Variants in CSMD3 observed in about 807,000 individuals in gnomAD.
The protein encoded by CSMD3 is CUB and sushi domain-containing protein 3.
In CSMD3, 177 loss-of-function variants were observed where a neutral mutation model predicts 435.2. The observed-to-expected ratio is 0.41, with a 90% CI of 0.36 to 0.46. CSMD3 has a LOEUF of 0.46. Ranked by LOEUF, CSMD3 falls within the 20% of genes least tolerant of loss-of-function variation. The pLI is 0.34. For synonymous variants in CSMD3, 1,656 were observed against 1,520.5 expected (o/e 1.09, Z -2.07); for missense variants, 4,265 against 4,504.6 (o/e 0.95, Z 1.52).
intron 1 of CSMD3, among the ~76,000 whole-genome samples, chr8:113,412,366 G>A (rs974387736): frequency 8.5e-5 from 13 of 152,052 alleles, no homozygotes; most frequent in Non-Finnish European, 1.2e-4. Flanking sequence ...TACTTGAACT[G>A]GGTGGACTTG....
intron 59 of CSMD3, among the ~76,000 whole-genome samples, chr8:112,278,897 C>A (rs1434328924): frequency 6.6e-6 from 1 of 151,840 alleles, no homozygotes; most frequent in African/African-American, 2.4e-5. Flanking sequence ...TGTGGGAGAC[C>A]CCCAACATTT....
At chr8:113,115,743 C>T (rs1156268014) in intron 4 of CSMD3, among the ~76,000 whole-genome samples, 1 of 152,128 alleles carries the variant, frequency 6.6e-6, no homozygotes, top group Non-Finnish European at 1.5e-5. Flanking sequence ...ATGTCTTTTG[C>T]TACAGATGTG....
chr8:112,812,528 C>T (rs1464991356), intron 12 of CSMD3, among the ~76,000 whole-genome samples: 3 of 152,142 alleles, frequency 2.0e-5, no homozygotes, highest in African/African-American at 7.2e-5. Flanking sequence ...ACTTCACTTC[C>T]TTTCATTCCT....
rs375522344 is a variant in CSMD3, at chr8:112,755,224, G to T, written c.1972+44938C>A. Among the ~76,000 whole-genome samples, 4 of 151,960 alleles carry T rather than the reference G, an allele frequency of 2.6e-5. No homozygotes were observed. The South Asian group carries it at 8.3e-4, about 32-fold the overall frequency. On this transcript the variant is annotated intron_variant, in intron 13 of 70. Coordinates refer to ENST00000297405, the MANE Select transcript of CSMD3 (RefSeq NM_198123.2). ...CGGGCACCTGCAGTCCCAGCTACTC[G>T]GGAGGCTGAGGCAGGAGAATGGCGT...
intron 56 of CSMD3, 112 bp downstream of exon 56, chr8:112,291,398 A>C (rs1819748638): frequency 1.1e-5 from 9 of 792,800 alleles, no homozygotes; most frequent in Non-Finnish European, 4.2e-6. Flanking sequence ...AAAACAATAA[A>C]ATCAATATGC....
At chr8:112,979,377 CATTTT>C in intron 6 of CSMD3, among the ~76,000 whole-genome samples, 1 of 151,440 alleles carries the variant, frequency 6.6e-6, no homozygotes, top group Middle Eastern at 3.5e-3. Flanking sequence ...TTGCATTTAC[CATTTT>C]ATTTTAATAT....
chr8:112,747,123 A>G (rs1209709346), intron 13 of CSMD3, among the ~76,000 whole-genome samples: 3 of 135,284 alleles, frequency 2.2e-5, no homozygotes, highest in Non-Finnish European at 4.6e-5. Context: ...TATTCCCATA[A>G]TGTTCTCTCA....
chr8:112,584,905 C>G (rs1830603183), intron 23 of CSMD3, among the ~76,000 whole-genome samples: 1 of 151,674 alleles, frequency 6.6e-6, no homozygotes, highest in African/African-American at 2.4e-5. Context: ...AGGCAAATAA[C>G]TTTCCACCCT....
intron 5 of CSMD3, among the ~76,000 whole-genome samples, chr8:113,044,379 G>A (rs1487051030): frequency 6.7e-6 from 1 of 148,996 alleles, no homozygotes; most frequent in Non-Finnish European, 1.5e-5. Context: ...ATAATAGGTA[G>A]TAGTCATTCA....
chr8:112,693,780 G>A (rs1245591357), intron 13 of CSMD3, among the ~76,000 whole-genome samples: 1 of 151,562 alleles, frequency 6.6e-6, no homozygotes, highest in Non-Finnish European at 1.5e-5. Context: ...CATATTGAAT[G>A]TTGAAAATTA....
chr8:113,300,481 T>C (rs1045338503), intron 2 of CSMD3, among the ~76,000 whole-genome samples: 2 of 152,178 alleles, frequency 1.3e-5, no homozygotes, highest in African/African-American at 2.4e-5. Flanking sequence ...TTGTGATACA[T>C]ATCCACCCTG....
At chr8:113,349,374 T>G (rs1489109032) in intron 1 of CSMD3, among the ~76,000 whole-genome samples, 1 of 152,168 alleles carries the variant, frequency 6.6e-6, no homozygotes, top group Admixed American at 6.6e-5. Flanking sequence ...TGAAATTTTA[T>G]CATCACTATT....
At chr8:113,119,749 T>C (rs1436555504) in intron 4 of CSMD3, among the ~76,000 whole-genome samples, 1 of 152,070 alleles carries the variant, frequency 6.6e-6, no homozygotes, top group African/African-American at 2.4e-5. Context: ...TAGGAAAAAA[T>C]AGTTAAATAC....
intron 13 of CSMD3, among the ~76,000 whole-genome samples, chr8:112,700,698 G>C (rs905416697): frequency 1.3e-5 from 2 of 152,022 alleles, no homozygotes; most frequent in Non-Finnish European, 2.9e-5. Flanking sequence ...GAACAACCAT[G>C]GTAACAGTTG....
chr8:112,304,611 T>C (rs537957946), intron 52 of CSMD3, 110 bp downstream of exon 52: 14 of 822,146 alleles, frequency 1.7e-5, no homozygotes, highest in Non-Finnish European at 2.3e-5. Flanking sequence ...ATGACCATAT[T>C]AGTAATGTCA....
At chr8:112,292,832 A>C in intron 54 of CSMD3, 122 bp from the exon 55 acceptor site, 1 of 827,856 alleles carries the variant, frequency 1.2e-6, no homozygotes, top group Admixed American at 2.0e-5. Context: ...ACTACTTTTT[A>C]TCTGGAAATA....
At position 112,301,565 on chromosome 8, in the gene CSMD3, C is replaced by G. The variant is rs535974760; in HGVS notation, c.8440+228G>C. 5.3e-5 allele frequency among the ~76,000 whole-genome samples: 8 copies of G among 152,138 alleles called. No individual in the cohort carries two copies. In the South Asian group the frequency reaches 1.7e-3, roughly 32 times the overall value. On this transcript the variant is annotated intron_variant, in intron 53 of 70. Coordinates refer to ENST00000297405, the MANE Select transcript of CSMD3 (RefSeq NM_198123.2). Reference sequence around the variant, plus strand: ...TTTTCACCATTATATTTTCACCATGCCTGGAAGAAAATGTGTCTCTCCTTA... The same window carrying G: ...TTTTCACCATTATATTTTCACCATGGCTGGAAGAAAATGTGTCTCTCCTTA...
intron 23 of CSMD3, among the ~76,000 whole-genome samples, chr8:112,585,597 T>C (rs758500323): frequency 9.2e-5 from 14 of 151,636 alleles, no homozygotes; most frequent in Non-Finnish European, 1.3e-4. Context: ...CCCAAATAAA[T>C]TACCCAAATA....
chr8:113,153,121 GA>G (rs1392552799), intron 4 of CSMD3, among the ~76,000 whole-genome samples: 70 of 89,236 alleles, frequency 7.8e-4, no homozygotes, highest in South Asian at 4.0e-3. Context: ...AAGAAAGAAA[GA>G]AAGAGAAAGA....
Sources: gnomAD v4.1 joint callset for allele counts (sites outside exome capture counted in the v4.1 genomes callset) on GRCh38, gnomAD v4.1.1 for gene constraint, MANE v1.5 for transcripts, NCBI Gene and HGNC (gene_info 2026-07-23, HGNC 2026-07-21) for gene names.